NR1D1: variants seen among roughly 807,000 people sequenced by gnomAD.
NR1D1 encodes the protein Rev-ErbAalpha.
Under a neutral mutation model 51.1 loss-of-function variants are expected in NR1D1, and 17 were observed. The ratio of observed to expected loss-of-function variants is 0.33; its 90% CI spans 0.23 to 0.50. The LOEUF is 0.50. Among genes scored for constraint, NR1D1 ranks in the 20% least tolerant of loss-of-function variants. The pLI is 0.98. For synonymous variants in NR1D1, 341 were observed against 333.4 expected, an observed-to-expected ratio of 1.02 and a Z score of -0.25; for missense variants, 647 against 830.4, an observed-to-expected ratio of 0.78 and a Z score of 2.71.
In NR1D1 at chr17:40,093,620, CA is replaced by C; in HGVS notation, c.1645+291del. Reference sequence around the variant, plus strand: ...CCTTCCCCCTTTCTCTGCCTGGCAACATCTTACTTGTCCTTTGAGGCCCCAA... The same window carrying C: ...CCTTCCCCCTTTCTCTGCCTGGCAACTCTTACTTGTCCTTTGAGGCCCCAA... On this transcript the variant is annotated intron_variant, in intron 7 of 7. Coordinates refer to ENST00000246672, the MANE Select transcript of NR1D1 (RefSeq NM_021724.5). This position sits in a 1 kb window ranked among gnomAD's most constrained non-coding sequence, Gnocchi z 5.9. 1.4e-6 allele frequency: 1 copy of C among 701,402 alleles called. No individual in the cohort carries two copies. The highest frequency in any genetic ancestry group is 2.0e-5 in the South Asian group (1 of 51,066). 43.4% of individuals were successfully genotyped at this position (701,402 alleles called of 1,614,324 possible). A position where few individuals can be genotyped will look rare whatever the true frequency, so the allele number is the denominator to read the frequency against.
In NR1D1 at chr17:40,094,919, A is replaced by G; in HGVS notation, c.1434+16T>C. 6.2e-7 allele frequency: 1 copy of G among 1,612,570 alleles called. No individual in the cohort carries two copies. Among genetic ancestry groups the G allele is most frequent in the Non-Finnish European group, 8.5e-7 (1 of 1,179,170 alleles). ...CTCAAAAAAAACAAAAACCAGAAGCATAAACGGTCACTCACCTCAAAGGTG... is the reference window on the plus strand; with the variant it reads ...CTCAAAAAAAACAAAAACCAGAAGCGTAAACGGTCACTCACCTCAAAGGTG... On this transcript the variant is annotated intron_variant, in intron 6 of 7. Coordinates refer to ENST00000246672, the MANE Select transcript of NR1D1 (RefSeq NM_021724.5).
chr17:40,096,831 A>T (rs1178488664), intron 2 of NR1D1, 52 bp from the exon 3 acceptor site: 2 of 1,561,004 alleles, frequency 1.3e-6, no homozygotes, highest in East Asian at 2.2e-5. Context: ...CTGAGTGGCC[A>T]CAGGTGTGGA....
intron 1 of NR1D1, among the ~76,000 whole-genome samples, chr17:40,099,417 T>C (rs1033650047): frequency 6.6e-6 from 1 of 152,152 alleles, no homozygotes; most frequent in Admixed American, 6.5e-5. Flanking sequence ...CCACGGCTTC[T>C]GCTGAATGAA....
rs1205693170 is a variant in NR1D1 at position 40,095,001 on chromosome 17, G to A, written c.1368C>T (p.His456=). The A allele has an allele frequency of 1.2e-6, 2 of 1,614,202 alleles. No homozygotes were observed. The highest frequency in any genetic ancestry group is 1.1e-5 in the South Asian group (1 of 91,090). The change falls in exon 6 of 8, where the codon CAC becomes CAT. Residue 456 remains histidine, a synonymous_variant. Coordinates refer to ENST00000246672, the MANE Select transcript of NR1D1 (RefSeq NM_021724.5). ...AVREVVEFAK[H]IPGFRDLSQH... ...GAGAAAGGTCACGGAAGCCCGGGATGTGTTTGGCAAACTCTACCACCTCCC... is the reference window on the plus strand; with the variant it reads ...GAGAAAGGTCACGGAAGCCCGGGATATGTTTGGCAAACTCTACCACCTCCC...
chr17:40,096,672 T>C lies in NR1D1; in HGVS notation c.459+19A>G. On this transcript the variant is annotated intron_variant, in intron 3 of 7. Transcript: ENST00000246672. Reference sequence around the variant, plus strand: ...GGAGGGGGCCACCTGCCCCTGCCCTTACCCCCAGTCCGCCTCACCTTGCAG... The same window carrying C: ...GGAGGGGGCCACCTGCCCCTGCCCTCACCCCCAGTCCGCCTCACCTTGCAG... The C allele has an allele frequency of 3.7e-6, 6 of 1,614,118 alleles. No homozygotes were observed. The highest frequency in any genetic ancestry group is 5.1e-6 in the Non-Finnish European group (6 of 1,179,966).
chr17:40,096,011 G>T lies in NR1D1; in HGVS notation c.681C>A (p.Ala227=), dbSNP rs1378104905. The change falls in exon 5 of 8, where the codon GCC becomes GCA. Residue 227 remains alanine, a synonymous_variant. Transcript: ENST00000246672. ...LAEMQSAMNL[A]NNQLSSQCPL... The stretch of plus-strand genomic sequence containing the variant: ...GGCACTGGCTGCTCAACTGGTTGTT[G>T]GCCAGGTTCATGGCACTCTGCATCT... 6.2e-7 allele frequency: 1 copy of T among 1,612,750 alleles called. No homozygotes were observed. Among genetic ancestry groups the T allele is most frequent in the South Asian group, 1.1e-5 (1 of 91,078 alleles).
chr17:40,098,997 T>C (rs918741084), intron 1 of NR1D1, among the ~76,000 whole-genome samples: 5 of 140,178 alleles, frequency 3.6e-5, no homozygotes, highest in Non-Finnish European at 7.7e-5. Flanking sequence ...CCATGTTACT[T>C]TGTTTTGGTG....
At position 40,094,133 on chromosome 17, in the gene NR1D1, A is replaced by G. The variant is rs1598401939; in HGVS notation, c.1435-11T>C. 5 of 1,612,946 alleles carry G rather than the reference A, an allele frequency of 3.1e-6. No individual in the cohort carries two copies. The highest frequency in any genetic ancestry group is 2.2e-5 in the East Asian group (1 of 44,884). Reference sequence around the variant, plus strand: ...GCGCACCATCAGCACCTAGGAGGGAAGGGGAACAGTCATCCTGGGTGTGGT... The same window carrying G: ...GCGCACCATCAGCACCTAGGAGGGAGGGGGAACAGTCATCCTGGGTGTGGT... On this transcript the variant is annotated splice_polypyrimidine_tract_variant and intron_variant, in intron 6 of 7. Coordinates refer to ENST00000246672, the MANE Select transcript of NR1D1 (RefSeq NM_021724.5).
chr17:40,100,443 G>T lies in NR1D1; in HGVS notation c.-349C>A, dbSNP rs1345456761. 8.6e-6 allele frequency: 4 copies of T among 462,574 alleles called. No individual in the cohort carries two copies. The highest frequency in any genetic ancestry group is 1.5e-5 in the Non-Finnish European group (4 of 261,140). 28.7% of individuals were successfully genotyped at this position (462,574 alleles called of 1,614,324 possible). A position where few individuals can be genotyped will look rare whatever the true frequency, so the allele number is the denominator to read the frequency against. On this transcript the variant is annotated 5_prime_UTR_variant, in exon 1 of 8. Coordinates refer to ENST00000246672, the MANE Select transcript of NR1D1 (RefSeq NM_021724.5). ...CGGCTCCGCAGCGCTGCGGGGTGGC[G>T]AATCTGGAGCTCCCGGTGCAAAAGT...
intron 3 of NR1D1, 26 bp downstream of exon 3, chr17:40,096,665 C>G (rs201960819): frequency 1.2e-5 from 20 of 1,614,020 alleles, no homozygotes; most frequent in African/African-American, 2.7e-5. Flanking sequence ...CCACCTGCCC[C>G]TGCCCTTACC....
chr17:40,093,360 C>T lies in NR1D1; in HGVS notation c.1646-78G>A. The T allele has an allele frequency of 6.2e-7, 1 of 1,611,858 alleles. No individual in the cohort carries two copies. Among genetic ancestry groups the T allele is most frequent in the South Asian group, 1.1e-5 (1 of 90,980 alleles). ...GAACCGGAGGTCTGCGAGGACCTGGCAGGCAATGCAGCCTCTCCCTGAAGC... is the reference window on the plus strand; with the variant it reads ...GAACCGGAGGTCTGCGAGGACCTGGTAGGCAATGCAGCCTCTCCCTGAAGC... On this transcript the variant is annotated intron_variant, in intron 7 of 7. Transcript: ENST00000246672. The surrounding 1 kb of genome is among the most constrained non-coding windows in gnomAD (Gnocchi z 5.9).
chr17:40,096,645 G>T (rs200047871), intron 3 of NR1D1, 46 bp downstream of exon 3: 2 of 1,613,714 alleles, frequency 1.2e-6, no homozygotes, highest in South Asian at 1.1e-5. Context: ...CTGTGTCCAG[G>T]GGGAGGGGGC....
In NR1D1 at chr17:40,093,839, G is replaced by A. The variant is rs1251261406; in HGVS notation, c.1645+73C>T. 27 of 1,335,096 alleles carry A rather than the reference G, an allele frequency of 2.0e-5. No individual in the cohort carries two copies. Among genetic ancestry groups the A allele is most frequent in the Non-Finnish European group, 2.5e-5 (23 of 934,968 alleles). The allele number at this position is 1,335,096 out of a possible 1,614,324, so 82.7% of individuals were successfully genotyped here. ...CGGTGCAGGGCCTGGCATAGAGTAGGTACTCCATAAAAGGTGTGTTGAATT... is the reference window on the plus strand; with the variant it reads ...CGGTGCAGGGCCTGGCATAGAGTAGATACTCCATAAAAGGTGTGTTGAATT... On this transcript the variant is annotated intron_variant, in intron 7 of 7. Transcript: ENST00000246672. The surrounding 1 kb of genome is among the most constrained non-coding windows in gnomAD (Gnocchi z 5.9).
At chr17:40,095,327 TG>T in intron 5 of NR1D1, 116 bp downstream of exon 5, 2 of 1,339,152 alleles carry the variant, frequency 1.5e-6, no homozygotes. Flanking sequence ...CATTTTCTCC[TG>T]GGAAGATGCT....
chr17:40,095,970 G>T lies in NR1D1; in HGVS notation c.722C>A (p.Pro241His). The T allele has an allele frequency of 1.2e-6, 2 of 1,612,432 alleles. No individual in the cohort carries two copies. Among genetic ancestry groups the T allele is most frequent in the Non-Finnish European group, 1.7e-6 (2 of 1,179,928 alleles). Reference sequence around the variant, plus strand: ...GGGGCCTGGGGTGGGGTGCTGGGTGGGTGAAGTCTCCAGCGGGCACTGGCT... The same window carrying T: ...GGGGCCTGGGGTGGGGTGCTGGGTGTGTGAAGTCTCCAGCGGGCACTGGCT... The part of the protein sequence containing the change: ...LSSQCPLETS[P>H]TQHPTPGPMG... Residue 241 changes from proline (P) to histidine (H), a missense_variant, in exon 5 of 8, where the codon CCC becomes CAC. Physicochemically the swap from Pro to His is moderately conservative, Grantham distance 77. Coordinates refer to ENST00000246672, the MANE Select transcript of NR1D1 (RefSeq NM_021724.5).
chr17:40,099,792 C>CGTGA lies in NR1D1; in HGVS notation c.31+271_31+272insTCAC, dbSNP rs1987841314. 2.6e-5 allele frequency among the ~76,000 whole-genome samples: 4 copies of CGTGA among 152,098 alleles called. 1 individual carries two copies. The highest frequency in any genetic ancestry group is 2.0e-4 in the Admixed American group (3 of 15,264). On this transcript the variant is annotated intron_variant, in intron 1 of 7. Transcript: ENST00000246672. The stretch of plus-strand genomic sequence containing the variant: ...AGTCCCCCTAAATTCTTCGCTTCAC[C>CGTGA]ACCCGTACCTCCTCTCCATTTCCTC...
At chr17:40,099,258 G>A (rs1413035898) in intron 1 of NR1D1, among the ~76,000 whole-genome samples, 1 of 152,206 alleles carries the variant, frequency 6.6e-6, no homozygotes, top group African/African-American at 2.4e-5. Context: ...GCCCTTCCCC[G>A]GCCACCAGGT....
chr17:40,096,989 G>T (rs1987776451), intron 2 of NR1D1, 76 bp downstream of exon 2: 1 of 1,387,310 alleles, frequency 7.2e-7, no homozygotes, highest in African/African-American at 1.4e-5. Context: ...GGCAAGACTG[G>T]TGTCACGTAA....
In NR1D1 at chr17:40,093,855, G is replaced by A. The variant is rs1448122124; in HGVS notation, c.1645+57C>T. The stretch of plus-strand genomic sequence containing the variant: ...ATAGAGTAGGTACTCCATAAAAGGT[G>A]TGTTGAATTGAACTGCGTCTGCCTC... On this transcript the variant is annotated intron_variant, in intron 7 of 7. Transcript: ENST00000246672. The surrounding 1 kb of genome is among the most constrained non-coding windows in gnomAD (Gnocchi z 5.9). 2.1e-5 allele frequency: 32 copies of A among 1,492,896 alleles called. No homozygotes were observed. Among genetic ancestry groups the A allele is most frequent in the Non-Finnish European group, 4.7e-6 (5 of 1,074,132 alleles). 92.5% of individuals were successfully genotyped at this position (1,492,896 alleles called of 1,614,324 possible).
Sources: gnomAD v4.1 joint callset for allele counts (sites outside exome capture counted in the v4.1 genomes callset) on GRCh38, gnomAD v4.1.1 for gene constraint, Gnocchi (gnomAD v3.1) non-coding constraint, MANE v1.5 for transcripts, NCBI Gene and HGNC (gene_info 2026-07-23, HGNC 2026-07-21) for gene names.